Variants in FSHR observed in about 807,000 individuals in gnomAD.
The protein encoded by FSHR is follicle-stimulating hormone receptor.
In FSHR, 46 loss-of-function variants were observed where a neutral mutation model predicts 52.1. The observed-to-expected ratio is 0.88, with a 90% CI of 0.70 to 1.13. FSHR has a LOEUF of 1.13. FSHR is among the 50% of genes most tolerant of loss of function. The pLI is 0.00. For synonymous variants in FSHR, 399 were observed against 309.6 expected, an observed-to-expected ratio of 1.29 and a Z score of -3.03; for missense variants, 964 against 834.6, an observed-to-expected ratio of 1.16 and a Z score of -1.91.
chr2:48,982,990 G>C lies in FSHR; in HGVS notation c.594-4C>G, dbSNP rs1336064991. 6.2e-7 allele frequency: 1 copy of C among 1,613,638 alleles called. No individual in the cohort carries two copies. Among genetic ancestry groups the C allele is most frequent in the Admixed American group, 1.7e-5 (1 of 60,016 alleles). On this transcript the variant is annotated splice_polypyrimidine_tract_variant and splice_region_variant and intron_variant, in intron 7 of 9. Transcript: ENST00000406846. The stretch of plus-strand genomic sequence containing the variant: ...ATTATTATTATCGCTTAGATTCCTG[G>C]GGATGGGGTTGAGGAAAGAAGAAGG...
intron 8 of FSHR, among the ~76,000 whole-genome samples, chr2:48,974,459 C>T (rs569888622): frequency 5.9e-5 from 9 of 152,284 alleles, no homozygotes; most frequent in South Asian, 4.1e-4. Flanking sequence ...TGCTGTGAGA[C>T]GAAGGCATCT....
intron 1 of FSHR, among the ~76,000 whole-genome samples, chr2:49,124,026 C>G (rs989871276): frequency 2.0e-5 from 3 of 151,788 alleles, no homozygotes; most frequent in African/African-American, 7.3e-5. Context: ...GCTCTATCAC[C>G]CAGGCTGGAG....
chr2:49,095,708 C>G (rs1670801109), intron 1 of FSHR, among the ~76,000 whole-genome samples: 1 of 152,050 alleles, frequency 6.6e-6, no homozygotes, highest in African/African-American at 2.4e-5. Context: ...AAAATATTTG[C>G]AAATCATGTA....
At chr2:49,011,414 TC>T (rs1667267661) in intron 4 of FSHR, among the ~76,000 whole-genome samples, 1 of 152,166 alleles carries the variant, frequency 6.6e-6, no homozygotes, top group Non-Finnish European at 1.5e-5. Flanking sequence ...TAATTTCTGT[TC>T]TTTTACATTT....
intron 2 of FSHR, among the ~76,000 whole-genome samples, chr2:49,056,728 T>C (rs1669080452): frequency 6.6e-6 from 1 of 151,904 alleles, no homozygotes; most frequent in Non-Finnish European, 1.5e-5. Context: ...GCAAATGAAA[T>C]ACTTTTCAGA....
At position 49,068,247 on chromosome 2, in the gene FSHR, A is replaced by T. The variant is rs749701827; in HGVS notation, c.196T>A (p.Phe66Ile). ...TTCTCCAGGTCCCCAAATCCTGAAA[A>T]TGCACCTTTTTGGATGACTCGAAGC... ...TKLRVIQKGA[F>I]SGFGDLEKIE... Residue 66 changes from phenylalanine (F) to isoleucine (I), a missense_variant, in exon 2 of 10, where the codon TTT becomes ATT. Physicochemically the swap from Phe to Ile is conservative, Grantham distance 21. Transcript: ENST00000406846. The T allele has an allele frequency of 6.2e-7, 1 of 1,611,276 alleles. No homozygotes were observed. The highest frequency in any genetic ancestry group is 8.5e-7 in the Non-Finnish European group (1 of 1,178,640).
intron 2 of FSHR, among the ~76,000 whole-genome samples, chr2:49,051,401 T>C (rs947099450): frequency 7.2e-5 from 11 of 152,178 alleles, no homozygotes; most frequent in African/African-American, 1.9e-4. Context: ...TAATAGTATT[T>C]CATTATGGTT....
chr2:49,008,351 T>C (rs1380906096), intron 4 of FSHR, among the ~76,000 whole-genome samples: 2 of 146,870 alleles, frequency 1.4e-5, no homozygotes, highest in East Asian at 2.0e-4. Context: ...ACAAAGGACA[T>C]GAACTCATCA....
chr2:49,154,271 A>C lies in FSHR; in HGVS notation c.147T>G (p.Ile49Met). ...CCCCTCCCTCTGATACTCACAGTTCAATGGCATTCCTCGGGAGGTCAGAAG... is the reference window on the plus strand; with the variant it reads ...CCCCTCCCTCTGATACTCACAGTTCCATGGCATTCCTCGGGAGGTCAGAAG... ...EIPSDLPRNA[I>M]ELRFVLTKLR... The change falls in exon 1 of 10, where the codon ATT becomes ATG. Residue 49 changes from isoleucine (I) to methionine (M), a missense_variant. By Grantham distance (10) the Ile-to-Met change is conservative (BLOSUM62 1). Transcript: ENST00000406846. 6.2e-7 allele frequency: 1 copy of C among 1,613,856 alleles called. No homozygotes were observed. Among genetic ancestry groups the C allele is most frequent in the Non-Finnish European group, 8.5e-7 (1 of 1,179,830 alleles).
intron 6 of FSHR, among the ~76,000 whole-genome samples, chr2:48,988,238 T>A (rs565302321): frequency 5.3e-4 from 80 of 152,326 alleles, no homozygotes; most frequent in African/African-American, 1.8e-3. Context: ...TATATTTTTT[T>A]AAAAACACAA....
At chr2:49,029,895 C>T (rs563101628) in intron 2 of FSHR, among the ~76,000 whole-genome samples, 1 of 152,264 alleles carries the variant, frequency 6.6e-6, no homozygotes, top group Admixed American at 6.5e-5. Context: ...TTAATTATTT[C>T]TGTGATTCTG....
Position 49,085,343 on chromosome 2 carries a change from C to T in FSHR, c.153-17053G>A, listed in dbSNP as rs1008734439. On this transcript the variant is annotated intron_variant, in intron 1 of 9. Coordinates refer to ENST00000406846, the MANE Select transcript of FSHR (RefSeq NM_000145.4). ...TAAATTAGGTATTGATGGGACGTATCTCAAAATAATAAGAGCTATCTATGA... is the reference window on the plus strand; with the variant it reads ...TAAATTAGGTATTGATGGGACGTATTTCAAAATAATAAGAGCTATCTATGA... Among the ~76,000 whole-genome samples, 54 of 152,326 alleles carry T rather than the reference C, an allele frequency of 3.5e-4. No individual in the cohort carries two copies. The East Asian group carries it at 7.7e-3, about 22-fold the overall frequency.
chr2:49,054,198 G>A (rs1212299234), intron 2 of FSHR, among the ~76,000 whole-genome samples: 1 of 152,134 alleles, frequency 6.6e-6, no homozygotes, highest in Non-Finnish European at 1.5e-5. Context: ...GCAACTGGGG[G>A]GATGAAAAAG....
At chr2:49,118,750 G>T (rs554777195) in intron 1 of FSHR, among the ~76,000 whole-genome samples, 1 of 152,060 alleles carries the variant, frequency 6.6e-6, no homozygotes, top group Non-Finnish European at 1.5e-5. Context: ...CACCATATCC[G>T]TTCCAGGAAC....
chr2:48,993,851 C>T (rs1675896876), intron 4 of FSHR, among the ~76,000 whole-genome samples: 1 of 152,130 alleles, frequency 6.6e-6, no homozygotes, highest in Admixed American at 6.6e-5. Flanking sequence ...CTTCAACTCA[C>T]CCTTCAGAGT....
chr2:49,151,502 C>A (rs1278590951), intron 1 of FSHR, among the ~76,000 whole-genome samples: 1 of 152,064 alleles, frequency 6.6e-6, no homozygotes, highest in African/African-American at 2.4e-5. Context: ...AGGAAATTAG[C>A]AATCTTTCGT....
chr2:49,113,264 C>T (rs570197550), intron 1 of FSHR, among the ~76,000 whole-genome samples: 6 of 152,268 alleles, frequency 3.9e-5, no homozygotes, highest in South Asian at 2.1e-4. Flanking sequence ...CTTATCTCAT[C>T]GCCAAAACAG....
At chr2:49,119,246 G>C (rs750436251) in intron 1 of FSHR, among the ~76,000 whole-genome samples, 31 of 152,158 alleles carry the variant, frequency 2.0e-4, no homozygotes, top group Non-Finnish European at 4.3e-4. Flanking sequence ...GTATTTCACT[G>C]TTACTTCAAA....
At chr2:49,090,699 C>A (rs1448302119) in intron 1 of FSHR, among the ~76,000 whole-genome samples, 2 of 152,106 alleles carry the variant, frequency 1.3e-5, no homozygotes, top group Non-Finnish European at 1.5e-5. Flanking sequence ...AGTTGTTTTC[C>A]AGAGCAGCTG....
Sources: allele counts gnomAD v4.1 joint callset (sites outside exome capture counted in the v4.1 genomes callset), GRCh38; gene constraint gnomAD v4.1.1; transcripts MANE v1.5; gene names NCBI Gene and HGNC (gene_info 2026-07-23, HGNC 2026-07-21).